The following GALNT2 variants were observed in gnomAD, a reference collection of about 807,000 sequenced individuals.
GALNT2 encodes the protein polypeptide N-acetylgalactosaminyltransferase 2.
GALNT2 carries 31 observed loss-of-function variants against 81.4 expected under a neutral mutation model. The observed-to-expected ratio is 0.38, with a 90% CI of 0.29 to 0.51. The LOEUF (loss-of-function observed/expected upper bound fraction) is 0.51, where lower values mean the gene tolerates loss of function less well. GALNT2 is among the 20% of genes least tolerant of loss of function. The pLI, the probability that GALNT2 is intolerant of heterozygous loss-of-function variation, is 0.87. For missense variants in GALNT2, 629 were observed against 765.7 expected (o/e 0.82, Z 2.11); for synonymous variants, 303 against 287.4 (o/e 1.05, Z -0.55).
intron 1 of GALNT2, chr1:230,091,440 A>C (rs566716743): frequency 6.6e-6 from 1 of 152,064 alleles, no homozygotes; most frequent in Non-Finnish European, 1.5e-5. Flanking sequence ...CTATTGGCCT[A>C]TTTCCATCTG....
chr1:230,180,170 C>T (rs561008721), intron 2 of GALNT2, among the ~76,000 whole-genome samples: 4 of 152,274 alleles, frequency 2.6e-5, no homozygotes, highest in Admixed American at 6.5e-5. Context: ...CCGCCCGCCT[C>T]GGCCTCCCAA....
At chr1:230,277,072 G>A (rs1159081374) in intron 15 of GALNT2, among the ~76,000 whole-genome samples, 1 of 152,120 alleles carries the variant, frequency 6.6e-6, no homozygotes. Context: ...CCAGTTTTGG[G>A]GAACCATAAC....
intron 14 of GALNT2, among the ~76,000 whole-genome samples, chr1:230,267,972 C>T (rs1378383885): frequency 2.0e-5 from 3 of 152,186 alleles, no homozygotes; most frequent in Non-Finnish European, 2.9e-5. Context: ...CTGGAGGAGG[C>T]GTCTCCGCTG....
intron 1 of GALNT2, among the ~76,000 whole-genome samples, chr1:230,099,622 T>C (rs1308961545): frequency 1.3e-5 from 2 of 152,238 alleles, no homozygotes; most frequent in Non-Finnish European, 2.9e-5. Flanking sequence ...ACAAGCCTTT[T>C]AGCAATGGTG....
intron 1 of GALNT2, among the ~76,000 whole-genome samples, chr1:230,108,785 G>A (rs1358751630): frequency 7.2e-5 from 11 of 152,178 alleles, no homozygotes; most frequent in Non-Finnish European, 1.5e-4. Flanking sequence ...CTTCGTGACC[G>A]TGTGGCTGAC....
intron 3 of GALNT2, among the ~76,000 whole-genome samples, chr1:230,214,274 G>A (rs903793150): frequency 6.6e-6 from 1 of 151,994 alleles, no homozygotes; most frequent in African/African-American, 2.4e-5. Context: ...CACCATACCT[G>A]GCCAATTTTG....
At chr1:230,239,184 T>G (rs1665121960) in intron 6 of GALNT2, among the ~76,000 whole-genome samples, 1 of 152,246 alleles carries the variant, frequency 6.6e-6, no homozygotes. Context: ...AATTTATATC[T>G]TCTTATTTTC....
intron 1 of GALNT2, among the ~76,000 whole-genome samples, chr1:230,122,208 C>A (rs573953932): frequency 2.6e-5 from 4 of 152,128 alleles, no homozygotes; most frequent in African/African-American, 9.7e-5. Flanking sequence ...TGGTGCTTTC[C>A]TTGGTTATAT....
intron 1 of GALNT2, among the ~76,000 whole-genome samples, chr1:230,068,437 T>C (rs1203775153): frequency 6.6e-6 from 1 of 152,240 alleles, no homozygotes; most frequent in Non-Finnish European, 1.5e-5. Context: ...AGCAGCGTTA[T>C]CTTTTCCGAA....
intron 14 of GALNT2, among the ~76,000 whole-genome samples, chr1:230,269,248 C>T (rs1201965941): frequency 1.5e-5 from 2 of 136,838 alleles, no homozygotes; most frequent in Non-Finnish European, 3.0e-5. Context: ...TGCAGTGGTG[C>T]AATCTCGGCT....
chr1:230,208,822 G>A (rs1270182375), intron 3 of GALNT2, among the ~76,000 whole-genome samples: 1 of 152,174 alleles, frequency 6.6e-6, no homozygotes, highest in African/African-American at 2.4e-5. Flanking sequence ...TCAGCCTTGA[G>A]CTGTGCCACC....
At chr1:230,234,250 C>A (rs12120897) in intron 3 of GALNT2, among the ~76,000 whole-genome samples, 351 of 152,136 alleles carry the variant, frequency 2.3e-3, no homozygotes, top group Admixed American at 3.5e-3. Context: ...GAGACAAAGT[C>A]CCTCCCTGTG....
At chr1:230,076,421 G>A (rs1385960282) in intron 1 of GALNT2, among the ~76,000 whole-genome samples, 3 of 152,176 alleles carry the variant, frequency 2.0e-5, no homozygotes, top group Non-Finnish European at 4.4e-5. Context: ...TTTCCGCTGT[G>A]ATGTGATCTT....
Position 230,271,551 on chromosome 1 carries a change from G to A in GALNT2, c.1441-2894G>A, listed in dbSNP as rs1433191157. On this transcript the variant is annotated intron_variant, in intron 14 of 15. Transcript: ENST00000366672. The surrounding 1 kb of genome is among the most constrained non-coding windows in gnomAD (Gnocchi z 4.2). ...CTTCTACTCCAGATGCCAGTCACAA[G>A]TCCAAGTTGTCACCTGCTGTCTGAC... is the stretch of plus-strand genomic sequence containing the variant. Among the ~76,000 whole-genome samples the A allele has an allele frequency of 6.6e-6, 1 of 152,230 alleles. No individual in the cohort carries two copies. Among genetic ancestry groups the A allele is most frequent in the African/African-American group, 2.4e-5 (1 of 41,454 alleles).
At chr1:230,216,691 G>A (rs1173149561) in intron 3 of GALNT2, among the ~76,000 whole-genome samples, 1 of 152,142 alleles carries the variant, frequency 6.6e-6, no homozygotes, top group Non-Finnish European at 1.5e-5. Flanking sequence ...ACCTCCCAAA[G>A]TGCTGGGTTT....
At chr1:230,068,189 A>G (rs1659261426) in intron 1 of GALNT2, among the ~76,000 whole-genome samples, 1 of 152,240 alleles carries the variant, frequency 6.6e-6, no homozygotes, top group Non-Finnish European at 1.5e-5. Context: ...AACATGCTCC[A>G]GGGGCCGAGT....
intron 1 of GALNT2, among the ~76,000 whole-genome samples, chr1:230,090,729 G>C (rs1411385435): frequency 1.3e-5 from 2 of 152,186 alleles, no homozygotes; most frequent in Non-Finnish European, 2.9e-5. Context: ...AATAGTTGAA[G>C]CTTATTATTT....
intron 1 of GALNT2, among the ~76,000 whole-genome samples, chr1:230,170,520 G>T (rs1046421441): frequency 6.6e-6 from 1 of 152,206 alleles, no homozygotes; most frequent in African/African-American, 2.4e-5. Flanking sequence ...CTGGTTTTAA[G>T]AGAACTTTTG....
intron 3 of GALNT2, among the ~76,000 whole-genome samples, chr1:230,234,495 C>T (rs1664964449): frequency 6.6e-6 from 1 of 152,140 alleles, no homozygotes; most frequent in South Asian, 2.1e-4. Context: ...TAATAAATGC[C>T]AGCATGGAGG....
Sources: allele counts gnomAD v4.1 joint callset (sites outside exome capture counted in the v4.1 genomes callset), GRCh38; gene constraint gnomAD v4.1.1; non-coding constraint Gnocchi (gnomAD v3.1); transcripts MANE v1.5; gene names NCBI Gene and HGNC (gene_info 2026-07-23, HGNC 2026-07-21).